VPS13B: variants seen among roughly 807,000 people sequenced by gnomAD.
The protein encoded by VPS13B is intermembrane lipid transfer protein VPS13B.
In VPS13B, 285 loss-of-function variants were observed where a neutral mutation model predicts 426.4. The observed-to-expected ratio is 0.67, with a 90% CI of 0.61 to 0.74. VPS13B has a LOEUF of 0.74. Ranked by LOEUF, VPS13B falls within the 30% of genes least tolerant of loss-of-function variation. The probability of loss-of-function intolerance (pLI) is 0.00; values close to 1 mark genes in which losing one functional copy is unlikely to be tolerated. For missense variants in VPS13B, 4,537 were observed against 4,782.6 expected, an observed-to-expected ratio of 0.95 and a Z score of 1.51; for synonymous variants, 1,676 against 1,676.4, an observed-to-expected ratio of 1.00 and a Z score of 0.01.
At chr8:99,274,939 A>T in intron 18 of VPS13B, 142 bp from the exon 19 acceptor site, 2 of 707,336 alleles carry the variant, frequency 2.8e-6, no homozygotes, top group Non-Finnish European at 4.2e-6. Flanking sequence ...ATTTTATGAG[A>T]CTCAGTATAA....
At chr8:99,606,629 CTTT>C (rs111334743) in intron 33 of VPS13B, among the ~76,000 whole-genome samples, 3 of 105,800 alleles carry the variant, frequency 2.8e-5, no homozygotes, top group Admixed American at 1.3e-4. Flanking sequence ...TTTTTCTTTT[CTTT>C]TTTTTTTTTT....
chr8:99,767,626 C>G (rs1055932916), intron 40 of VPS13B, among the ~76,000 whole-genome samples: 1 of 151,912 alleles, frequency 6.6e-6, no homozygotes, highest in African/African-American at 2.4e-5. Context: ...GCCTCACTGG[C>G]CATAAAGAAT....
At chr8:99,072,350 C>T (rs998281957) in intron 3 of VPS13B, among the ~76,000 whole-genome samples, 1 of 152,112 alleles carries the variant, frequency 6.6e-6, no homozygotes, top group Non-Finnish European at 1.5e-5. Flanking sequence ...TTTCTTCTGG[C>T]CCAGGATGGT....
At chr8:99,448,877 A>G (rs1446747784) in intron 23 of VPS13B, among the ~76,000 whole-genome samples, 1 of 152,066 alleles carries the variant, frequency 6.6e-6, no homozygotes, top group Non-Finnish European at 1.5e-5. Flanking sequence ...GATAACTTTC[A>G]ATCATTTATG....
intron 34 of VPS13B, among the ~76,000 whole-genome samples, chr8:99,646,002 C>T (rs1829561864): frequency 6.6e-6 from 1 of 152,028 alleles, no homozygotes; most frequent in East Asian, 1.9e-4. Flanking sequence ...GGGAGGGAAG[C>T]AGAGAGAGCA....
At chr8:99,778,607 T>A in intron 41 of VPS13B, 75 bp from the exon 42 acceptor site, 1 of 1,297,798 alleles carries the variant, frequency 7.7e-7, no homozygotes, top group Non-Finnish European at 1.1e-6. Flanking sequence ...ATAGTTTGAA[T>A]GTCATTTCAC....
chr8:99,861,072 A>G (rs190056432), intron 57 of VPS13B, among the ~76,000 whole-genome samples: 94 of 152,368 alleles, frequency 6.2e-4, no homozygotes, highest in Middle Eastern at 3.4e-3. Flanking sequence ...ACTTAGCAAC[A>G]TAACTTTACC....
At chr8:99,697,581 A>AGGAACTC (rs1376880470) in intron 35 of VPS13B, 1 of 673,682 alleles carries the variant, frequency 1.5e-6, no homozygotes, top group Non-Finnish European at 2.7e-6. Context: ...GAGATCAAGA[A>AGGAACTC]GGAACTCTCA....
At chr8:99,258,041 CA>C (rs1267002965) in intron 17 of VPS13B, among the ~76,000 whole-genome samples, 1 of 149,650 alleles carries the variant, frequency 6.7e-6, no homozygotes, top group African/African-American at 2.5e-5. Context: ...ATATCAATGC[CA>C]TGTGTTTTTT....
At chr8:99,137,732 C>T (rs1810153185) in intron 12 of VPS13B, among the ~76,000 whole-genome samples, 1 of 152,096 alleles carries the variant, frequency 6.6e-6, no homozygotes, top group Admixed American at 6.5e-5. Flanking sequence ...AAGTTAATTT[C>T]ATTCTTTTCC....
chr8:99,136,634 G>T (rs759947414), intron 11 of VPS13B, 31 bp from the exon 12 acceptor site: 3 of 1,610,978 alleles, frequency 1.9e-6, no homozygotes, highest in Non-Finnish European at 2.5e-6. Flanking sequence ...TTTATACAAT[G>T]TTTATTCTGT....
At chr8:99,513,954 A>T (rs1045612530) in intron 29 of VPS13B, among the ~76,000 whole-genome samples, 3 of 152,204 alleles carry the variant, frequency 2.0e-5, no homozygotes, top group African/African-American at 7.2e-5. Flanking sequence ...CATTTGTCTT[A>T]AAATATCTTA....
At chr8:99,043,601 T>C (rs1843070439) in intron 3 of VPS13B, among the ~76,000 whole-genome samples, 1 of 152,144 alleles carries the variant, frequency 6.6e-6, no homozygotes. Flanking sequence ...TATATAATCA[T>C]TTGTGGTCCT....
intron 5 of VPS13B, among the ~76,000 whole-genome samples, chr8:99,103,924 C>T (rs116023444): frequency 6.6e-6 from 1 of 152,152 alleles, no homozygotes; most frequent in Non-Finnish European, 1.5e-5. Flanking sequence ...GAATGAGCCA[C>T]CATACCTGGC....
At chr8:99,753,406 T>G (rs1810491397) in intron 39 of VPS13B, among the ~76,000 whole-genome samples, 1 of 152,200 alleles carries the variant, frequency 6.6e-6, no homozygotes, top group South Asian at 2.1e-4. Context: ...TACATTTGAC[T>G]GCATTTGATA....
Position 99,467,640 on chromosome 8 carries a change from T to C in VPS13B, c.3666+6T>C, listed in dbSNP as rs374468508. ...TAAAATGCTCTAATCCCCAGGTTGG[T>C]ACATTTGATTTATGAAAGGAAATTT... On this transcript the variant is annotated splice_donor_region_variant and intron_variant, in intron 24 of 61. Transcript: ENST00000357162. 1.9e-5 allele frequency: 31 copies of C among 1,606,818 alleles called. No homozygotes were observed. Among genetic ancestry groups the C allele is most frequent in the Admixed American group, 6.7e-5 (4 of 59,686 alleles).
intron 30 of VPS13B, among the ~76,000 whole-genome samples, chr8:99,534,689 T>C (rs1395913019): frequency 6.6e-6 from 1 of 152,162 alleles, no homozygotes; most frequent in Non-Finnish European, 1.5e-5. Flanking sequence ...TTCTGGAATA[T>C]GATGGCTGTT....
At chr8:99,520,836 C>G (rs1822346090) in intron 29 of VPS13B, 63 bp from the exon 30 acceptor site, 3 of 1,314,850 alleles carry the variant, frequency 2.3e-6, no homozygotes, top group Non-Finnish European at 3.3e-6. Context: ...AAAGATTTCT[C>G]CTTATGCATA....
At chr8:99,788,941 A>G (rs1812408612) in intron 43 of VPS13B, among the ~76,000 whole-genome samples, 1 of 152,176 alleles carries the variant, frequency 6.6e-6, no homozygotes, top group Non-Finnish European at 1.5e-5. Context: ...AAAGCTTGGT[A>G]CAAAGTTCCA....
Sources: gnomAD v4.1 joint callset for allele counts (sites outside exome capture counted in the v4.1 genomes callset) on GRCh38, gnomAD v4.1.1 for gene constraint, MANE v1.5 for transcripts, NCBI Gene and HGNC (gene_info 2026-07-23, HGNC 2026-07-21) for gene names.